The following COBL variants were observed in gnomAD, a reference collection of about 807,000 sequenced individuals.
COBL encodes protein cordon-bleu.
In COBL, 51 loss-of-function variants were observed where a neutral mutation model predicts 98.8. The observed-to-expected ratio is 0.52, with a 90% CI of 0.41 to 0.65. The LOEUF (loss-of-function observed/expected upper bound fraction) is 0.65. Ranked by LOEUF, COBL falls within the 30% of genes least tolerant of loss-of-function variation. The pLI is 0.00. For missense variants in COBL, 1,617 were observed against 1,617.5 expected (o/e 1.00, Z 0.01); for synonymous variants, 634 against 651.7 (o/e 0.97, Z 0.41).
At chr7:51,188,080 C>T in intron 4 of COBL, 2 of 787,752 alleles carry the variant, frequency 2.5e-6, no homozygotes, top group East Asian at 3.4e-5. Context: ...GTGAGAAGGT[C>T]TCTTGCTGGG....
chr7:51,172,124 A>G (rs928731306), intron 5 of COBL, among the ~76,000 whole-genome samples: 3 of 152,238 alleles, frequency 2.0e-5, no homozygotes, highest in Non-Finnish European at 4.4e-5. Flanking sequence ...TGAGAGCTAT[A>G]GGGTTGGAAA....
chr7:51,147,752 T>C (rs952892094), intron 5 of COBL, among the ~76,000 whole-genome samples: 2 of 150,530 alleles, frequency 1.3e-5, no homozygotes, highest in African/African-American at 4.9e-5. Context: ...ATTTTTCTTT[T>C]CTTTTTTTTT....
intron 1 of COBL, among the ~76,000 whole-genome samples, chr7:51,273,340 A>G (rs1396936722): frequency 6.6e-6 from 1 of 151,896 alleles, no homozygotes; most frequent in African/African-American, 2.4e-5. Flanking sequence ...AAAAAAAAAA[A>G]AAAAAAGAAA....
At chr7:51,123,233 G>A (rs2128992081) in intron 6 of COBL, among the ~76,000 whole-genome samples, 1 of 152,314 alleles carries the variant, frequency 6.6e-6, no homozygotes, top group South Asian at 2.1e-4. Context: ...TATTTACAAT[G>A]TATTTGGCTA....
chr7:51,155,682 T>C (rs1786057753), intron 5 of COBL, among the ~76,000 whole-genome samples: 1 of 138,308 alleles, frequency 7.2e-6, no homozygotes, highest in Non-Finnish European at 1.5e-5. Context: ...CCCCTAACCA[T>C]AAATGAAGGA....
At chr7:51,167,701 A>G (rs1373161164) in intron 5 of COBL, among the ~76,000 whole-genome samples, 1 of 152,190 alleles carries the variant, frequency 6.6e-6, no homozygotes, top group Non-Finnish European at 1.5e-5. Flanking sequence ...TTATAACCAA[A>G]ACAGCATGGT....
chr7:51,078,573 T>C (rs1312245188), intron 7 of COBL, among the ~76,000 whole-genome samples: 1 of 152,234 alleles, frequency 6.6e-6, no homozygotes, highest in Non-Finnish European at 1.5e-5. Context: ...GTTTTAGTTA[T>C]CTATTGCTGC....
intron 6 of COBL, among the ~76,000 whole-genome samples, chr7:51,094,452 T>C (rs1795098079): frequency 6.6e-6 from 1 of 152,150 alleles, no homozygotes; most frequent in Non-Finnish European, 1.5e-5. Context: ...TGACAATGCA[T>C]ACATAGATTA....
Position 51,028,752 on chromosome 7 carries a change from G to A in COBL, c.2344C>T (p.Arg782Ter). ...RCNSVEKHLG[R>*]PSESSARGPP... ...CCCCTGGCAGAGCTCTCTGAGGGTC[G>A]GCCCAGGTGTTTTTCCACAGAGTTG... The change falls in exon 10 of 13, where the codon CGA (arginine) becomes TGA (stop). Residue 782 changes from arginine to a stop codon, truncating the protein, a stop_gained. Transcript: ENST00000265136. LOFTEE classifies it high-confidence loss of function. The A allele has an allele frequency of 4.3e-6, 7 of 1,614,180 alleles. No individual in the cohort carries two copies. Among genetic ancestry groups the A allele is most frequent in the Non-Finnish European group, 5.9e-6 (7 of 1,180,028 alleles).
intron 6 of COBL, among the ~76,000 whole-genome samples, chr7:51,102,040 C>CA (rs886283898): frequency 6.6e-6 from 1 of 151,890 alleles, no homozygotes; most frequent in African/African-American, 2.4e-5. Flanking sequence ...GAGGACACAG[C>CA]AAAAAAAGAG....
rs548576938 is a variant in COBL at position 51,152,033 on chromosome 7, C to A, written c.784-15702G>T. Among the ~76,000 whole-genome samples, 17 of 152,364 alleles carry A rather than the reference C, an allele frequency of 1.1e-4. 1 individual carries two copies. The East Asian group carries it at 1.9e-3, about 17-fold the overall frequency. On this transcript the variant is annotated intron_variant, in intron 5 of 12. Coordinates refer to ENST00000265136, the MANE Select transcript of COBL (RefSeq NM_015198.5). ...AAATCATATGATCTCAGGACAAACT[C>A]TGCTCTTATTCAAAAAGTCACACTT...
chr7:51,160,011 G>A (rs991603625), intron 5 of COBL, among the ~76,000 whole-genome samples: 3 of 152,134 alleles, frequency 2.0e-5, no homozygotes, highest in African/African-American at 7.2e-5. Flanking sequence ...TCCTGCCTCA[G>A]CCTCCTGAGT....
chr7:51,295,325 T>C (rs1801326238), intron 1 of COBL, among the ~76,000 whole-genome samples: 1 of 150,514 alleles, frequency 6.6e-6, no homozygotes, highest in Admixed American at 6.6e-5. Flanking sequence ...TTAGTAGGTG[T>C]AGCAAACCAC....
intron 6 of COBL, among the ~76,000 whole-genome samples, chr7:51,104,966 C>A (rs79168488): frequency 1.4e-3 from 214 of 152,026 alleles, no homozygotes; most frequent in African/African-American, 4.9e-3. Context: ...GGGGGTCAGC[C>A]CATAAAAGGG....
At chr7:51,310,022 G>A (rs1342212655) in intron 1 of COBL, among the ~76,000 whole-genome samples, 4 of 152,250 alleles carry the variant, frequency 2.6e-5, no homozygotes, top group Non-Finnish European at 5.9e-5. Flanking sequence ...TGAGACCCCA[G>A]GTGAGGCCTG....
intron 5 of COBL, among the ~76,000 whole-genome samples, chr7:51,177,367 T>G (rs1041311901): frequency 5.9e-5 from 9 of 152,190 alleles, no homozygotes; most frequent in Admixed American, 5.9e-4. Context: ...CACAAATATT[T>G]GGGATACTAA....
intron 6 of COBL, among the ~76,000 whole-genome samples, chr7:51,127,786 C>T (rs1798363013): frequency 6.6e-6 from 1 of 152,200 alleles, no homozygotes; most frequent in East Asian, 1.9e-4. Context: ...GTGATCCGGA[C>T]TCCCTCAGCT....
intron 1 of COBL, among the ~76,000 whole-genome samples, chr7:51,262,521 C>T (rs527816164): frequency 9.9e-5 from 15 of 152,248 alleles, no homozygotes; most frequent in Admixed American, 5.9e-4. Flanking sequence ...GAAAATGGCC[C>T]GGTTAGGACA....
At chr7:51,073,482 C>T (rs1238768450) in intron 7 of COBL, 2 of 537,388 alleles carry the variant, frequency 3.7e-6, no homozygotes, top group African/African-American at 1.9e-5. Flanking sequence ...GGAGATTTAA[C>T]ACTGCATAGC....
Sources: allele counts gnomAD v4.1 joint callset (sites outside exome capture counted in the v4.1 genomes callset), GRCh38; gene constraint gnomAD v4.1.1; transcripts MANE v1.5; gene names NCBI Gene and HGNC (gene_info 2026-07-23, HGNC 2026-07-21).